The following SLCO1B3 variants were observed in gnomAD, a reference collection of about 807,000 sequenced individuals.
SLCO1B3 encodes the protein liver-specific organic anion transporter 2.
In SLCO1B3, 72 loss-of-function variants were observed where a neutral mutation model predicts 71.8. The observed-to-expected ratio is 1.00, with a 90% CI of 0.83 to 1.22. SLCO1B3 has a LOEUF of 1.22. Ranked by LOEUF, SLCO1B3 falls within the 50% of genes most tolerant of loss-of-function variation. The pLI is 0.00. For missense variants in SLCO1B3, 911 were observed against 819.7 expected (o/e 1.11, Z -1.36); for synonymous variants, 298 against 278.4 (o/e 1.07, Z -0.70).
chr12:20,861,884 A>G (rs1865273401), intron 6 of SLCO1B3, among the ~76,000 whole-genome samples: 1 of 152,156 alleles, frequency 6.6e-6, no homozygotes, highest in Non-Finnish European at 1.5e-5. Context: ...GGAAATCATC[A>G]GTAATGTTCA....
intron 13 of SLCO1B3, among the ~76,000 whole-genome samples, chr12:20,886,518 G>T (rs1453700233): frequency 6.6e-6 from 1 of 152,018 alleles, no homozygotes; most frequent in Admixed American, 6.6e-5. Flanking sequence ...ATTGGGAAAG[G>T]ATCATGTCCT....
At chr12:20,878,541 A>T (rs966338224) in intron 10 of SLCO1B3, among the ~76,000 whole-genome samples, 1 of 152,114 alleles carries the variant, frequency 6.6e-6, no homozygotes, top group Non-Finnish European at 1.5e-5. Flanking sequence ...ACCTTGTAGA[A>T]ATTTGATAAG....
At chr12:20,847,331 G>C (rs1318637483) in intron 3 of SLCO1B3, among the ~76,000 whole-genome samples, 1 of 152,170 alleles carries the variant, frequency 6.6e-6, no homozygotes, top group Non-Finnish European at 1.5e-5. Context: ...GTTGGTATTT[G>C]AGGCCTTTGG....
At chr12:20,910,723 A>G (rs1591794380) in intron 15 of SLCO1B3, among the ~76,000 whole-genome samples, 1 of 152,172 alleles carries the variant, frequency 6.6e-6, no homozygotes, top group African/African-American at 2.4e-5. Context: ...TGTTAACGTA[A>G]ATAGTAATGT....
Position 20,815,894 on chromosome 12 carries a change from C to T in SLCO1B3, c.84+72C>T, listed in dbSNP as rs10734710. ...TTTTTATGTATAGAAAGGCCACTAA[C>T]TGTCAAAAAGAACATTATATCTCAT... On this transcript the variant is annotated intron_variant, in intron 3 of 15. Transcript: ENST00000381545. 0.95 allele frequency: 805,032 copies of T among 844,514 alleles called. 385,443 individuals are homozygous for T. Among genetic ancestry groups the T allele is most frequent in the East Asian group, 0.99 (37,791 of 38,078 alleles). 52.3% of individuals were successfully genotyped at this position (844,514 alleles called of 1,614,324 possible). A position where few individuals can be genotyped will look rare whatever the true frequency, so the allele number is the denominator to read the frequency against.
At chr12:20,864,782 G>A (rs1454368818) in intron 8 of SLCO1B3, among the ~76,000 whole-genome samples, 1 of 152,172 alleles carries the variant, frequency 6.6e-6, no homozygotes, top group Non-Finnish European at 1.5e-5. Context: ...TGAGAAGCAT[G>A]AAGTGAACTT....
intron 8 of SLCO1B3, among the ~76,000 whole-genome samples, chr12:20,873,499 G>A (rs577538957): frequency 6.6e-6 from 1 of 152,290 alleles, no homozygotes; most frequent in South Asian, 2.1e-4. Flanking sequence ...CTTCGAGACA[G>A]ATGAGATAGA....
At chr12:20,818,757 G>C (rs1442990985) in intron 3 of SLCO1B3, among the ~76,000 whole-genome samples, 1 of 124,602 alleles carries the variant, frequency 8.0e-6, no homozygotes, top group African/African-American at 3.0e-5. Context: ...TGGTGGAACT[G>C]CCATCAATAA....
At chr12:20,824,492 C>G (rs186393989) in intron 3 of SLCO1B3, among the ~76,000 whole-genome samples, 2 of 152,178 alleles carry the variant, frequency 1.3e-5, no homozygotes, top group Admixed American at 1.3e-4. Flanking sequence ...AGTAAAACAA[C>G]AATTGTGAAT....
At chr12:20,865,127 A>G (rs146075261) in intron 8 of SLCO1B3, among the ~76,000 whole-genome samples, 1 of 152,146 alleles carries the variant, frequency 6.6e-6, no homozygotes, top group Admixed American at 6.6e-5. Context: ...TAGCTTGGTT[A>G]TGACCTTTAG....
At chr12:20,866,099 A>G (rs925226111) in intron 8 of SLCO1B3, among the ~76,000 whole-genome samples, 1 of 152,152 alleles carries the variant, frequency 6.6e-6, no homozygotes, top group African/African-American at 2.4e-5. Flanking sequence ...GTGCTGTAAC[A>G]TCAACCTTAA....
chr12:20,849,369 C>T (rs1366725976), intron 3 of SLCO1B3, among the ~76,000 whole-genome samples: 1 of 151,874 alleles, frequency 6.6e-6, no homozygotes, highest in African/African-American at 2.4e-5. Context: ...TCAACACAAA[C>T]ACCCAGAAAA....
chr12:20,882,453 G>C (rs1865711419), intron 12 of SLCO1B3, among the ~76,000 whole-genome samples: 1 of 152,044 alleles, frequency 6.6e-6, no homozygotes, highest in Admixed American at 6.6e-5. Context: ...ACCCAGGCTG[G>C]AGTGCAATGG....
Position 20,875,231 on chromosome 12 carries a change from C to T in SLCO1B3, c.728-4C>T, listed in dbSNP as rs759435706. 5 of 1,612,052 alleles carry T rather than the reference C, an allele frequency of 3.1e-6. No individual in the cohort carries two copies. The Admixed American group carries it at 8.4e-5, about 27-fold the overall frequency. On this transcript the variant is annotated splice_polypyrimidine_tract_variant and splice_region_variant and intron_variant, in intron 8 of 15. Transcript: ENST00000381545. The stretch of plus-strand genomic sequence containing the variant: ...GACTGGCTTCTTTTAACTGTTTCTC[C>T]TAGGCACTATCAGAATAACTCCTAA...
At chr12:20,859,869 C>A (rs981494460) in intron 5 of SLCO1B3, among the ~76,000 whole-genome samples, 2 of 151,878 alleles carry the variant, frequency 1.3e-5, no homozygotes, top group Admixed American at 6.6e-5. Flanking sequence ...GAATTCTACC[C>A]ATCTTCAATA....
intron 13 of SLCO1B3, among the ~76,000 whole-genome samples, chr12:20,893,891 C>T (rs931622355): frequency 2.0e-5 from 3 of 152,142 alleles, no homozygotes; most frequent in Non-Finnish European, 4.4e-5. Context: ...TGAAAAGGCC[C>T]AAAGGAGGGT....
chr12:20,887,947 C>G (rs981301732), intron 13 of SLCO1B3, among the ~76,000 whole-genome samples: 2 of 151,644 alleles, frequency 1.3e-5, no homozygotes, highest in Admixed American at 6.6e-5. Context: ...GTATATGGCT[C>G]TCCAATTTTC....
At chr12:20,914,505 T>C (rs1196037880) in intron 15 of SLCO1B3, among the ~76,000 whole-genome samples, 1 of 152,090 alleles carries the variant, frequency 6.6e-6, no homozygotes, top group East Asian at 1.9e-4. Flanking sequence ...ATATTATATA[T>C]AATTAAATAC....
chr12:20,832,007 C>T (rs983993680), intron 3 of SLCO1B3, among the ~76,000 whole-genome samples: 1 of 152,186 alleles, frequency 6.6e-6, no homozygotes, highest in Non-Finnish European at 1.5e-5. Context: ...TTCCCTAGTT[C>T]TCCCAGCTCG....
Sources: allele counts gnomAD v4.1 joint callset (sites outside exome capture counted in the v4.1 genomes callset), GRCh38; gene constraint gnomAD v4.1.1; transcripts MANE v1.5; gene names NCBI Gene and HGNC (gene_info 2026-07-23, HGNC 2026-07-21).